GALNTL6: variants seen among roughly 807,000 people sequenced by gnomAD.
GALNTL6 encodes the protein polypeptide N-acetylgalactosaminyltransferase like 6, also known as polypeptide N-acetylgalactosaminyltransferase-like 6.
In GALNTL6, 46 loss-of-function variants were observed where a neutral mutation model predicts 73.7. The ratio of observed to expected loss-of-function variants is 0.62; its 90% CI spans 0.49 to 0.80. The LOEUF (loss-of-function observed/expected upper bound fraction) is 0.80. Among genes scored for constraint, GALNTL6 ranks in the 30% least tolerant of loss-of-function variants. The pLI is 0.00. For missense variants in GALNTL6, 604 were observed against 755.0 expected, an observed-to-expected ratio of 0.80 and a Z score of 2.34; for synonymous variants, 259 against 263.7, an observed-to-expected ratio of 0.98 and a Z score of 0.17.
intron 7 of GALNTL6, among the ~76,000 whole-genome samples, chr4:172,860,721 T>C (rs938086994): frequency 6.6e-6 from 1 of 152,190 alleles, no homozygotes; most frequent in African/African-American, 2.4e-5. Flanking sequence ...GGAAAATATA[T>C]ATGAAAATGA....
chr4:172,522,743 GATTT>G (rs1734826902), intron 5 of GALNTL6, among the ~76,000 whole-genome samples: 3 of 148,018 alleles, frequency 2.0e-5, no homozygotes, highest in African/African-American at 5.0e-5. Flanking sequence ...ATTCAATGTT[GATTT>G]ATTACCACGC....
intron 5 of GALNTL6, among the ~76,000 whole-genome samples, chr4:172,625,653 G>A (rs866096598): frequency 1.3e-4 from 20 of 152,114 alleles, no homozygotes; most frequent in Middle Eastern, 3.4e-3. Context: ...ATGTATAAGC[G>A]TTCCCTTGTC....
At chr4:171,840,457 C>T (rs1252866737) in intron 2 of GALNTL6, among the ~76,000 whole-genome samples, 2 of 152,166 alleles carry the variant, frequency 1.3e-5, no homozygotes, top group African/African-American at 2.4e-5. Context: ...ACCCTTAGCA[C>T]TAAACATCAG....
At chr4:171,823,276 T>A (rs1734732532) in intron 2 of GALNTL6, among the ~76,000 whole-genome samples, 1 of 151,982 alleles carries the variant, frequency 6.6e-6, no homozygotes. Context: ...TTGATCTAAA[T>A]GGCTGGATGT....
intron 5 of GALNTL6, among the ~76,000 whole-genome samples, chr4:172,416,467 A>G (rs188780214): frequency 1.7e-3 from 260 of 152,320 alleles, no homozygotes; most frequent in Non-Finnish European, 3.0e-3. Flanking sequence ...AATGACCATT[A>G]CTGTACTCAA....
At chr4:172,012,309 G>A (rs541369355) in intron 2 of GALNTL6, among the ~76,000 whole-genome samples, 1 of 152,136 alleles carries the variant, frequency 6.6e-6, no homozygotes, top group African/African-American at 2.4e-5. Context: ...CTTTTCACCA[G>A]GGCCGAATTC....
At chr4:172,570,291 T>A (rs1736712658) in intron 5 of GALNTL6, among the ~76,000 whole-genome samples, 1 of 152,024 alleles carries the variant, frequency 6.6e-6, no homozygotes. Flanking sequence ...AGGTGGAGGA[T>A]GGGAGAAGGC....
chr4:172,650,718 A>G (rs1425652603), intron 5 of GALNTL6, among the ~76,000 whole-genome samples: 1 of 152,228 alleles, frequency 6.6e-6, no homozygotes, highest in Non-Finnish European at 1.5e-5. Context: ...GACTTTGGGA[A>G]CAGAATGTAA....
intron 2 of GALNTL6, among the ~76,000 whole-genome samples, chr4:171,852,352 G>A (rs1005861362): frequency 1.3e-5 from 2 of 152,128 alleles, no homozygotes; most frequent in African/African-American, 4.8e-5. Flanking sequence ...ACCACAGGAA[G>A]AAAATGTGTG....
chr4:173,002,952 G>T (rs72708748), intron 10 of GALNTL6, among the ~76,000 whole-genome samples: 7,546 of 152,214 alleles, frequency 0.05, 303 homozygotes, highest in African/African-American at 0.1. Flanking sequence ...CAGTAGAATA[G>T]ACAGTACCAG....
chr4:172,921,441 G>A (rs182587108), intron 8 of GALNTL6, among the ~76,000 whole-genome samples: 1 of 152,054 alleles, frequency 6.6e-6, no homozygotes, highest in Non-Finnish European at 1.5e-5. Context: ...ATAGAAAATT[G>A]TTTTAAAAAT....
intron 7 of GALNTL6, among the ~76,000 whole-genome samples, chr4:172,835,031 C>T (rs1742833857): frequency 1.3e-5 from 2 of 152,194 alleles, no homozygotes; most frequent in Non-Finnish European, 2.9e-5. Context: ...AGAACCTGCT[C>T]AAGATGTCAC....
chr4:172,079,786 C>T (rs941080176), intron 2 of GALNTL6, among the ~76,000 whole-genome samples: 2 of 151,746 alleles, frequency 1.3e-5, no homozygotes, highest in Non-Finnish European at 2.9e-5. Context: ...ATTGTGATAA[C>T]TTTTAGTATA....
At chr4:172,348,922 C>T (rs1741846706) in intron 5 of GALNTL6, among the ~76,000 whole-genome samples, 2 of 152,168 alleles carry the variant, frequency 1.3e-5, no homozygotes, top group South Asian at 4.1e-4. Flanking sequence ...ATCTCTGTTG[C>T]AAATTAGGTG....
intron 5 of GALNTL6, among the ~76,000 whole-genome samples, chr4:172,447,871 A>G (rs1322670579): frequency 1.3e-5 from 2 of 152,158 alleles, no homozygotes. Context: ...ATTTATATTA[A>G]AGGCAAACCT....
At chr4:171,857,216 T>A (rs966200718) in intron 2 of GALNTL6, among the ~76,000 whole-genome samples, 1 of 152,138 alleles carries the variant, frequency 6.6e-6, no homozygotes. Flanking sequence ...TGAACTCTAA[T>A]GATATTTTCT....
intron 5 of GALNTL6, among the ~76,000 whole-genome samples, chr4:172,391,079 C>A (rs1743648747): frequency 6.6e-6 from 1 of 152,172 alleles, no homozygotes; most frequent in East Asian, 1.9e-4. Context: ...ACTCAAATTT[C>A]AATAAGCTCA....
At chr4:172,832,571 C>T (rs1742695480) in intron 7 of GALNTL6, among the ~76,000 whole-genome samples, 1 of 152,218 alleles carries the variant, frequency 6.6e-6, no homozygotes, top group African/African-American at 2.4e-5. Context: ...AAAAATTTCT[C>T]TCCAAAGAGT....
intron 8 of GALNTL6, among the ~76,000 whole-genome samples, chr4:172,900,272 T>G (rs1746552915): frequency 1.3e-5 from 2 of 152,210 alleles, no homozygotes; most frequent in Non-Finnish European, 2.9e-5. Context: ...TTTTAAAGAT[T>G]ATTGTTTTTG....
Sources: allele counts gnomAD v4.1 joint callset (sites outside exome capture counted in the v4.1 genomes callset), GRCh38; gene constraint gnomAD v4.1.1; transcripts MANE v1.5; gene names NCBI Gene and HGNC (gene_info 2026-07-23, HGNC 2026-07-21).